Variants in CCDC7 observed in about 807,000 individuals in gnomAD.
CCDC7 encodes coiled-coil domain containing 7.
Under a neutral mutation model 196.9 loss-of-function variants are expected in CCDC7, and 183 were observed. That is an observed-to-expected ratio of 0.93 (90% CI 0.82 to 1.05). The LOEUF (loss-of-function observed/expected upper bound fraction) is 1.05. CCDC7 is among the 50% of genes least tolerant of loss of function. The probability of loss-of-function intolerance (pLI) is 0.00; values close to 1 mark genes in which losing one functional copy is unlikely to be tolerated. For synonymous variants in CCDC7, 525 were observed against 484.6 expected, an observed-to-expected ratio of 1.08 and a Z score of -1.10; for missense variants, 1,540 against 1,482.2, an observed-to-expected ratio of 1.04 and a Z score of -0.64.
intron 1 of CCDC7, among the ~76,000 whole-genome samples, chr10:32,452,469 G>A (rs960938347): frequency 9.9e-5 from 15 of 151,998 alleles, no homozygotes; most frequent in African/African-American, 2.4e-4. Context: ...CTCTTTTTTC[G>A]TTTCTTGAGA....
chr10:32,489,258 C>T (rs2041785968), intron 8 of CCDC7, among the ~76,000 whole-genome samples: 1 of 152,156 alleles, frequency 6.6e-6, no homozygotes, highest in Admixed American at 6.6e-5. Flanking sequence ...TCTACTGCTG[C>T]TCTGAGGACT....
chr10:32,662,038 C>G (rs1030978966), intron 20 of CCDC7, among the ~76,000 whole-genome samples: 4 of 152,118 alleles, frequency 2.6e-5, no homozygotes, highest in African/African-American at 7.2e-5. Flanking sequence ...AACTCAAGTT[C>G]CAACAGCAGG....
At chr10:32,516,661 A>T (rs2047079234) in intron 9 of CCDC7, among the ~76,000 whole-genome samples, 1 of 152,222 alleles carries the variant, frequency 6.6e-6, no homozygotes, top group Non-Finnish European at 1.5e-5. Context: ...CTATATTCAA[A>T]TAGACAACGC....
At chr10:32,505,124 T>C (rs1291880319) in intron 9 of CCDC7, among the ~76,000 whole-genome samples, 2 of 151,420 alleles carry the variant, frequency 1.3e-5, no homozygotes, top group East Asian at 3.9e-4. Context: ...TTATAACCTC[T>C]TGATGGATTG....
At chr10:32,835,747 T>G (rs79024004) in intron 33 of CCDC7, among the ~76,000 whole-genome samples, 1 of 151,964 alleles carries the variant, frequency 6.6e-6, no homozygotes, top group African/African-American at 2.4e-5. Flanking sequence ...GGCTTAATAC[T>G]TGGGTGATGA....
intron 21 of CCDC7, among the ~76,000 whole-genome samples, chr10:32,670,879 T>G (rs1483258889): frequency 6.6e-6 from 1 of 152,166 alleles, no homozygotes; most frequent in Non-Finnish European, 1.5e-5. Context: ...TCTATTTTCC[T>G]TAGTTCCTTG....
chr10:32,566,032 AAT>A (rs1288315249), intron 14 of CCDC7, among the ~76,000 whole-genome samples: 17 of 152,322 alleles, frequency 1.1e-4, no homozygotes, highest in African/African-American at 3.8e-4. Context: ...ATTTTAGTTA[AAT>A]AATACAACAA....
At chr10:32,879,160 T>C (rs2094697274), downstream of CCDC7, among the ~76,000 whole-genome samples, 1 of 152,114 alleles carries the variant, frequency 6.6e-6, no homozygotes, top group Non-Finnish European at 1.5e-5. Flanking sequence ...AACCTTATCT[T>C]CATCCTTATC....
At chr10:32,718,056 A>G (rs2081889778) in intron 25 of CCDC7, among the ~76,000 whole-genome samples, 1 of 152,218 alleles carries the variant, frequency 6.6e-6, no homozygotes, top group Non-Finnish European at 1.5e-5. Context: ...TCCTGATACC[A>G]AAATCTGGCA....
chr10:32,637,184 G>A (rs938276627), intron 20 of CCDC7, among the ~76,000 whole-genome samples: 30 of 152,276 alleles, frequency 2.0e-4, no homozygotes, highest in African/African-American at 6.0e-4. Flanking sequence ...TAGGCTGCCT[G>A]TTCACTCTGA....
rs189548042 is a variant in CCDC7, at chr10:32,491,848, A to G, written c.797-74A>G. On this transcript the variant is annotated intron_variant, in intron 8 of 41. Coordinates refer to ENST00000639629, the Ensembl canonical transcript of CCDC7. ...TTTGTTTAGCTTTCACATCTATAGC[A>G]GTTATATTTAGCATAGAGCTATAAC... The G allele has an allele frequency of 9.8e-5, 134 of 1,364,474 alleles. No individual in the cohort carries two copies. The African/African-American group carries it at 1.6e-3, about 17-fold the overall frequency. 84.5% of individuals were successfully genotyped at this position (1,364,474 alleles called of 1,614,324 possible). A position where few individuals can be genotyped will look rare whatever the true frequency, so the allele number is the denominator to read the frequency against.
chr10:32,861,863 G>C (rs546995772), intron 41 of CCDC7, among the ~76,000 whole-genome samples: 1 of 152,296 alleles, frequency 6.6e-6, no homozygotes, highest in African/African-American at 2.4e-5. Flanking sequence ...AAACCACAAT[G>C]AGATAACATC....
At chr10:32,487,297 A>G (rs1244831445) in intron 8 of CCDC7, among the ~76,000 whole-genome samples, 1 of 152,086 alleles carries the variant, frequency 6.6e-6, no homozygotes, top group Non-Finnish European at 1.5e-5. Flanking sequence ...AGGCTTGTGC[A>G]TTCGTCATGT....
At chr10:32,614,052 T>A (rs73257421) in intron 18 of CCDC7, among the ~76,000 whole-genome samples, 8,053 of 152,230 alleles carry the variant, frequency 0.053, 707 homozygotes, top group African/African-American at 0.18. Context: ...AGTCTCTTTG[T>A]AGGCCTTTAA....
intron 38 of CCDC7, among the ~76,000 whole-genome samples, chr10:32,848,124 T>C (rs1565699134): frequency 6.6e-6 from 1 of 152,182 alleles, no homozygotes; most frequent in East Asian, 1.9e-4. Flanking sequence ...TTTTAAAAAA[T>C]ATGAGGTTTA....
At chr10:32,745,567 G>A (rs769871019) in intron 28 of CCDC7, among the ~76,000 whole-genome samples, 12 of 152,088 alleles carry the variant, frequency 7.9e-5, no homozygotes, top group Non-Finnish European at 1.3e-4. Flanking sequence ...TACTATGAGG[G>A]CAGCACCAAG....
chr10:32,793,967 C>G (rs1000768145), intron 29 of CCDC7, among the ~76,000 whole-genome samples: 2 of 152,032 alleles, frequency 1.3e-5, no homozygotes, highest in Admixed American at 6.6e-5. Context: ...TCCTGTTTTT[C>G]TACTTTTATA....
At position 32,729,007 on chromosome 10, in the gene CCDC7, A is replaced by G; in HGVS notation, c.2779+10A>G. On this transcript the variant is annotated intron_variant, in intron 27 of 41. Transcript: ENST00000639629. ...GTGGAAAGACACAAGAGTGAGTATA[A>G]TAATTATCGATAACTTTAAATTATT... is the stretch of plus-strand genomic sequence containing the variant. 1 of 1,492,994 alleles carries G rather than the reference A, an allele frequency of 6.7e-7. No individual in the cohort carries two copies. Among genetic ancestry groups the G allele is most frequent in the Non-Finnish European group, 9.3e-7 (1 of 1,077,014 alleles). The allele number at this position is 1,492,994 out of a possible 1,614,324, so 92.5% of individuals were successfully genotyped here.
At chr10:32,614,701 T>C (rs1196693000) in intron 18 of CCDC7, among the ~76,000 whole-genome samples, 1 of 152,160 alleles carries the variant, frequency 6.6e-6, no homozygotes, top group African/African-American at 2.4e-5. Context: ...TACCCTGCTT[T>C]CCACAGCTGG....
Sources: gnomAD v4.1 joint callset for allele counts (sites outside exome capture counted in the v4.1 genomes callset) on GRCh38, gnomAD v4.1.1 for gene constraint, MANE v1.5 for transcripts, NCBI Gene and HGNC (gene_info 2026-07-23, HGNC 2026-07-21) for gene names.